Variants in MANBA observed in about 807,000 individuals in gnomAD.
The protein encoded by MANBA is beta-mannosidase.
MANBA carries 83 observed loss-of-function variants against 111.1 expected under a neutral mutation model. That is an observed-to-expected ratio of 0.75 (90% CI 0.63 to 0.90). The LOEUF is 0.90. MANBA is among the 40% of genes least tolerant of loss of function. The probability of loss-of-function intolerance (pLI) is 0.00; values close to 1 mark genes in which losing one functional copy is unlikely to be tolerated. For synonymous variants in MANBA, 370 were observed against 378.7 expected, an observed-to-expected ratio of 0.98 and a Z score of 0.27; for missense variants, 1,036 against 1,069.0, an observed-to-expected ratio of 0.97 and a Z score of 0.43.
intron 5 of MANBA, among the ~76,000 whole-genome samples, chr4:102,701,499 G>A (rs1422154392): frequency 2.0e-5 from 3 of 152,124 alleles, no homozygotes; most frequent in Non-Finnish European, 4.4e-5. Flanking sequence ...AGCTGGTACC[G>A]GTTGTTCCTT....
At chr4:102,636,040 A>G (rs1729618152) in intron 14 of MANBA, 33 bp from the exon 15 acceptor site, 1 of 1,598,482 alleles carries the variant, frequency 6.3e-7, no homozygotes, top group African/African-American at 1.3e-5. Context: ...GGAGACGGCA[A>G]GGTCAAGTAG....
intron 12 of MANBA, among the ~76,000 whole-genome samples, chr4:102,651,616 A>T (rs544309076): frequency 6.6e-6 from 1 of 152,296 alleles, no homozygotes; most frequent in African/African-American, 2.4e-5. Flanking sequence ...AAAAACCTGA[A>T]AATTAAAAAA....
chr4:102,737,287 G>A lies in MANBA; in HGVS notation c.178-10604C>T, dbSNP rs193183991. On this transcript the variant is annotated intron_variant, in intron 1 of 16. Coordinates refer to ENST00000647097, the MANE Select transcript of MANBA (RefSeq NM_005908.4). Reference sequence around the variant, plus strand: ...CACAGCCAAAGGTGTGAGCAGGTGGGGAGGGGTGAGGCCTGAGAGCCATGT... The same window carrying A: ...CACAGCCAAAGGTGTGAGCAGGTGGAGAGGGGTGAGGCCTGAGAGCCATGT... Among the ~76,000 whole-genome samples the A allele has an allele frequency of 3.1e-3, 479 of 152,308 alleles. 2 individuals carry two copies. Among genetic ancestry groups the A allele is most frequent in the African/African-American group, 0.011 (450 of 41,568 alleles).
At chr4:102,713,694 G>A (rs554273964) in intron 5 of MANBA, among the ~76,000 whole-genome samples, 366 of 152,254 alleles carry the variant, frequency 2.4e-3, no homozygotes, top group Admixed American at 7.8e-3. Flanking sequence ...CTGAGGTCAG[G>A]AGTTCGAGAC....
At position 102,712,742 on chromosome 4, in the gene MANBA, C is replaced by T. The variant is rs932578427; in HGVS notation, c.673+1696G>A. 3.9e-5 allele frequency among the ~76,000 whole-genome samples: 6 copies of T among 151,936 alleles called. 1 individual carries two copies. The highest frequency in any genetic ancestry group is 7.3e-5 in the African/African-American group (3 of 41,360). ...TAGGATTTTGCCATGTTGTCTAGGT[C>T]GGTCTCTAACTCTTAGGCTCAGGGA... On this transcript the variant is annotated intron_variant, in intron 5 of 16. Coordinates refer to ENST00000647097, the MANE Select transcript of MANBA (RefSeq NM_005908.4).
At chr4:102,663,836 T>A (rs979518498) in intron 11 of MANBA, among the ~76,000 whole-genome samples, 14 of 152,166 alleles carry the variant, frequency 9.2e-5, no homozygotes, top group Admixed American at 2.6e-4. Context: ...AAAATGCTGC[T>A]TTTTCTCACA....
chr4:102,685,380 A>G (rs1732163804), intron 7 of MANBA, among the ~76,000 whole-genome samples: 1 of 152,024 alleles, frequency 6.6e-6, no homozygotes, highest in African/African-American at 2.4e-5. Context: ...TCACCCTAAA[A>G]CTCCACTGAC....
At chr4:102,760,007 A>G (rs1440814849) in intron 1 of MANBA, among the ~76,000 whole-genome samples, 1 of 152,166 alleles carries the variant, frequency 6.6e-6, no homozygotes, top group Admixed American at 6.6e-5. Context: ...GATGGAAGTC[A>G]GTTTGCAAAC....
chr4:102,760,655 G>C (rs1230962198), intron 1 of MANBA, 63 bp downstream of exon 1: 7 of 1,468,230 alleles, frequency 4.8e-6, no homozygotes, highest in Non-Finnish European at 3.6e-6. Flanking sequence ...GCGGTTCCTG[G>C]GCCCCTCTCA....
rs1375033637 is a variant in MANBA at position 102,631,755 on chromosome 4, G to A, written c.*302C>T. 1.7e-6 allele frequency: 1 copy of A among 576,852 alleles called. No homozygotes were observed. The allele number at this position is 576,852 out of a possible 1,614,324, so 35.7% of individuals were successfully genotyped here. On this transcript the variant is annotated 3_prime_UTR_variant, in exon 17 of 17. Coordinates refer to ENST00000647097, the MANE Select transcript of MANBA (RefSeq NM_005908.4). ...TGTCACATTCTTGTAACCAGCTGCAGGGCCATCTTGTTATAACTGGTTCAT... is the reference window on the plus strand; with the variant it reads ...TGTCACATTCTTGTAACCAGCTGCAAGGCCATCTTGTTATAACTGGTTCAT...
chr4:102,733,642 TAA>T (rs1233943089), intron 1 of MANBA, among the ~76,000 whole-genome samples: 1 of 152,250 alleles, frequency 6.6e-6, no homozygotes, highest in Non-Finnish European at 1.5e-5. Context: ...ATTACAGGCG[TAA>T]GCCACCACAC....
At chr4:102,756,919 A>G (rs1477929553) in intron 1 of MANBA, among the ~76,000 whole-genome samples, 1 of 152,084 alleles carries the variant, frequency 6.6e-6, no homozygotes, top group Non-Finnish European at 1.5e-5. Context: ...TTAACATAAC[A>G]TATGGAAATT....
chr4:102,632,375 C>T, intron 16 of MANBA, 94 bp from the exon 17 acceptor site: 1 of 1,024,626 alleles, frequency 9.8e-7, no homozygotes, highest in South Asian at 1.4e-5. Flanking sequence ...GTGGGCTTAA[C>T]AAGGAGTCCA....
At chr4:102,737,224 G>A (rs529308475) in intron 1 of MANBA, among the ~76,000 whole-genome samples, 10 of 152,306 alleles carry the variant, frequency 6.6e-5, no homozygotes, top group Non-Finnish European at 8.8e-5. Flanking sequence ...GCAGAATCCA[G>A]GAGCTTGGGG....
At chr4:102,697,514 C>T (rs1190554718) in intron 5 of MANBA, among the ~76,000 whole-genome samples, 2 of 120,226 alleles carry the variant, frequency 1.7e-5, no homozygotes, top group Admixed American at 9.4e-5. Flanking sequence ...CCCCTCCCCC[C>T]ACCCCACAAC....
intron 1 of MANBA, among the ~76,000 whole-genome samples, chr4:102,757,960 G>T (rs223490): frequency 0.49 from 73,853 of 152,064 alleles, 19,534 homozygotes; most frequent in African/African-American, 0.72. Flanking sequence ...TCAAGCTCGT[G>T]CCTGCCTCAG....
rs557592856 is a variant in MANBA, at chr4:102,718,998, G to A, written c.549+3873C>T. 3.2e-4 allele frequency among the ~76,000 whole-genome samples: 48 copies of A among 152,278 alleles called. 1 individual carries two copies. The South Asian group carries it at 7.7e-3, about 24-fold the overall frequency. ...AATTACTGATGACAGTCTATGTCCC[G>A]CTGTGCAAACATTGTCTTGATAAGC... On this transcript the variant is annotated intron_variant, in intron 4 of 16. Coordinates refer to ENST00000647097, the MANE Select transcript of MANBA (RefSeq NM_005908.4).
intron 12 of MANBA, among the ~76,000 whole-genome samples, chr4:102,656,198 G>A (rs1730551008): frequency 6.6e-6 from 1 of 152,096 alleles, no homozygotes; most frequent in African/African-American, 2.4e-5. Flanking sequence ...AATCTGCAGT[G>A]AGCCGTGACC....
At chr4:102,754,312 A>ATATTT (rs1243107714) in intron 1 of MANBA, among the ~76,000 whole-genome samples, 1 of 152,152 alleles carries the variant, frequency 6.6e-6, no homozygotes, top group Non-Finnish European at 1.5e-5. Flanking sequence ...TAACTTTTAA[A>ATATTT]TATTTGTCTA....
Sources: gnomAD v4.1 joint callset for allele counts (sites outside exome capture counted in the v4.1 genomes callset) on GRCh38, gnomAD v4.1.1 for gene constraint, MANE v1.5 for transcripts, NCBI Gene and HGNC (gene_info 2026-07-23, HGNC 2026-07-21) for gene names.